The following DLGAP1 variants were observed in gnomAD, a reference collection of about 807,000 sequenced individuals.
DLGAP1 encodes the protein DLG associated protein 1.
A neutral mutation model predicts 90.8 loss-of-function variants in DLGAP1; 11 were observed. The ratio of observed to expected loss-of-function variants is 0.12; its 90% confidence interval spans 0.08 to 0.20. The LOEUF (loss-of-function observed/expected upper bound fraction) is 0.20. Among genes scored for constraint, DLGAP1 ranks in the 10% least tolerant of loss-of-function variants. The probability of loss-of-function intolerance (pLI) is 1.00; values close to 1 mark genes in which losing one functional copy is unlikely to be tolerated. For missense variants in DLGAP1, 1,050 were observed against 1,333.8 expected (o/e 0.79, Z 3.31); for synonymous variants, 558 against 540.7 (o/e 1.03, Z -0.44).
intron 3 of DLGAP1, among the ~76,000 whole-genome samples, chr18:3,906,905 A>G (rs921701918): frequency 4.6e-5 from 7 of 152,380 alleles, no homozygotes; most frequent in African/African-American, 1.7e-4. Flanking sequence ...TGTTTCTTCA[A>G]GAAAACATTA....
intron 1 of DLGAP1, among the ~76,000 whole-genome samples, chr18:4,315,356 C>G (rs2080501030): frequency 6.6e-6 from 1 of 152,140 alleles, no homozygotes; most frequent in Non-Finnish European, 1.5e-5. Context: ...ATGTTATTAT[C>G]TAGATATTTT....
intron 2 of DLGAP1, among the ~76,000 whole-genome samples, chr18:4,108,549 A>C (rs978588180): frequency 6.6e-5 from 10 of 151,642 alleles, no homozygotes; most frequent in African/African-American, 2.2e-4. Flanking sequence ...TAAAAAAAAA[A>C]CCAGTAACAT....
At chr18:3,592,580 T>A (rs1250235098) in intron 7 of DLGAP1, among the ~76,000 whole-genome samples, 1 of 152,074 alleles carries the variant, frequency 6.6e-6, no homozygotes, top group Non-Finnish European at 1.5e-5. Context: ...GGCTCACACC[T>A]GTAATCCCAG....
At chr18:4,420,259 T>C (rs1454093598) in intron 1 of DLGAP1, among the ~76,000 whole-genome samples, 3 of 152,160 alleles carry the variant, frequency 2.0e-5, no homozygotes, top group Non-Finnish European at 4.4e-5. Context: ...TCTCTCATAA[T>C]TGACAGAACA....
intron 3 of DLGAP1, chr18:3,984,017 T>C (rs1568334261): frequency 6.6e-6 from 1 of 152,160 alleles, no homozygotes; most frequent in African/African-American, 2.4e-5. Flanking sequence ...AAAGAGGCTC[T>C]TGGGGACAGA....
chr18:4,414,305 A>G (rs919777683), intron 1 of DLGAP1, among the ~76,000 whole-genome samples: 1 of 152,238 alleles, frequency 6.6e-6, no homozygotes, highest in Admixed American at 6.5e-5. Context: ...GTTTTGTTTT[A>G]CACATAACAA....
intron 5 of DLGAP1, among the ~76,000 whole-genome samples, chr18:3,803,538 CTGCCTTTTCTGGGAAAGAGGTGTGG>C (rs2066414679): frequency 6.6e-6 from 1 of 152,168 alleles, no homozygotes; most frequent in Admixed American, 6.5e-5. Context: ...GCTCTCAGCT[CTGCCTTTTCTGGGAAAGAGGTGTGG>C]TCCAAAGAAC....
chr18:4,109,631 T>G (rs868522874), intron 2 of DLGAP1, among the ~76,000 whole-genome samples: 6 of 152,186 alleles, frequency 3.9e-5, no homozygotes, highest in African/African-American at 1.4e-4. Context: ...GGGGCTTTCC[T>G]GAGCCCCTGC....
chr18:3,952,957 A>G (rs190552218), intron 3 of DLGAP1, among the ~76,000 whole-genome samples: 1 of 152,152 alleles, frequency 6.6e-6, no homozygotes, highest in African/African-American at 2.4e-5. Context: ...TTCTTTTCCT[A>G]AGTTCCTACC....
At chr18:3,792,778 G>A (rs1049097586) in intron 5 of DLGAP1, among the ~76,000 whole-genome samples, 3 of 152,134 alleles carry the variant, frequency 2.0e-5, no homozygotes, top group Non-Finnish European at 4.4e-5. Context: ...TAATGTACTG[G>A]GGCTTGTGCA....
intron 10 of DLGAP1, among the ~76,000 whole-genome samples, chr18:3,528,990 C>A (rs2051820409): frequency 6.6e-6 from 1 of 152,180 alleles, no homozygotes; most frequent in Admixed American, 6.5e-5. Flanking sequence ...ACTTCTGTGG[C>A]AGGTGCCCAT....
At chr18:3,868,601 C>A (rs539587953) in intron 4 of DLGAP1, among the ~76,000 whole-genome samples, 1 of 152,162 alleles carries the variant, frequency 6.6e-6, no homozygotes, top group Admixed American at 6.5e-5. Flanking sequence ...AAATGGCAAG[C>A]CTATTTGGTC....
intron 5 of DLGAP1, among the ~76,000 whole-genome samples, chr18:3,750,003 C>T (rs1260036456): frequency 7.2e-5 from 11 of 152,066 alleles, no homozygotes; most frequent in African/African-American, 2.7e-4. Flanking sequence ...GTTACATGTG[C>T]AGGTTTGCTA....
intron 7 of DLGAP1, among the ~76,000 whole-genome samples, chr18:3,704,383 C>T (rs1340955693): frequency 6.6e-6 from 1 of 152,060 alleles, no homozygotes; most frequent in East Asian, 1.9e-4. Context: ...CCAGCCTGGA[C>T]AACATGGTGA....
At chr18:3,518,245 T>C (rs2050961724) in intron 10 of DLGAP1, among the ~76,000 whole-genome samples, 1 of 152,172 alleles carries the variant, frequency 6.6e-6, no homozygotes, top group African/African-American at 2.4e-5. Context: ...GAGATGGGAA[T>C]GGCAGGTCGG....
chr18:3,984,414 T>C (rs2073801008), intron 3 of DLGAP1, among the ~76,000 whole-genome samples: 1 of 152,184 alleles, frequency 6.6e-6, no homozygotes, highest in South Asian at 2.1e-4. Context: ...ATCCCAAGTC[T>C]GCACTGACTA....
At chr18:3,573,538 T>C (rs1047718588) in intron 8 of DLGAP1, among the ~76,000 whole-genome samples, 9 of 152,040 alleles carry the variant, frequency 5.9e-5, no homozygotes, top group Non-Finnish European at 1.0e-4. Flanking sequence ...TTTGTAATAT[T>C]ACATGCTTTA....
intron 3 of DLGAP1, among the ~76,000 whole-genome samples, chr18:3,897,700 T>C (rs1330150432): frequency 6.6e-6 from 1 of 151,998 alleles, no homozygotes; most frequent in Non-Finnish European, 1.5e-5. Flanking sequence ...AGAGGAAGTA[T>C]AGTAAAATTT....
intron 9 of DLGAP1, among the ~76,000 whole-genome samples, chr18:3,558,469 G>C (rs1427184732): frequency 6.6e-6 from 1 of 152,132 alleles, no homozygotes; most frequent in Non-Finnish European, 1.5e-5. Context: ...CTGACCTCAA[G>C]TGATCCGCCC....
Sources: allele counts gnomAD v4.1 joint callset (sites outside exome capture counted in the v4.1 genomes callset), GRCh38; gene constraint gnomAD v4.1.1; transcripts MANE v1.5; gene names NCBI Gene and HGNC (gene_info 2026-07-23, HGNC 2026-07-21).